The following CLVS2 variants were observed in gnomAD, a reference collection of about 807,000 sequenced individuals.
CLVS2 encodes the protein clavesin 2.
In CLVS2, 19 loss-of-function variants were observed where a neutral mutation model predicts 29.0. The ratio of observed to expected loss-of-function variants is 0.66; its 90% CI spans 0.46 to 0.96. The LOEUF (loss-of-function observed/expected upper bound fraction) is 0.96, where lower values mean the gene tolerates loss of function less well. Ranked by LOEUF, CLVS2 falls within the 40% of genes least tolerant of loss-of-function variation. The pLI is 0.00. For synonymous variants in CLVS2, 161 were observed against 151.3 expected, an observed-to-expected ratio of 1.06 and a Z score of -0.47; for missense variants, 294 against 404.1, an observed-to-expected ratio of 0.73 and a Z score of 2.34.
In CLVS2 at chr6:123,032,405, ATACT is replaced by A. The variant is rs757697037; in HGVS notation, c.565-16211_565-16208del. ...AAATCAGAAATACCTATTTATAATG[ATACT>A]TACTTTATCAAAGGCATTCTGGTAA... On this transcript the variant is annotated intron_variant, in intron 3 of 5. Transcript: ENST00000275162. Among the ~76,000 whole-genome samples, 38 of 152,114 alleles carry A rather than the reference ATACT, an allele frequency of 2.5e-4. 1 individual carries two copies. Among genetic ancestry groups the A allele is most frequent in the Admixed American group, 1.1e-3 (17 of 15,264 alleles).
chr6:123,047,237 G>A (rs1208862565), intron 3 of CLVS2, among the ~76,000 whole-genome samples: 1 of 151,486 alleles, frequency 6.6e-6, no homozygotes, highest in Non-Finnish European at 1.5e-5. Context: ...CTCTTATTTA[G>A]GTATATACTA....
intron 5 of CLVS2, among the ~76,000 whole-genome samples, chr6:123,057,797 A>G (rs541186509): frequency 1.4e-4 from 22 of 152,256 alleles, no homozygotes; most frequent in African/African-American, 5.1e-4. Context: ...TAGCAAGCTT[A>G]TATTTAAACC....
At position 123,063,942 on chromosome 6, in the gene CLVS2, T is replaced by C. The variant is rs189476065; in HGVS notation, c.*181T>C. 2 of 454,780 alleles carry C rather than the reference T, an allele frequency of 4.4e-6. No homozygotes were observed. Among genetic ancestry groups the C allele is most frequent in the African/African-American group, 4.0e-5 (2 of 49,898 alleles). 28.2% of individuals were successfully genotyped at this position (454,780 alleles called of 1,614,324 possible). On this transcript the variant is annotated 3_prime_UTR_variant, in exon 6 of 6. Coordinates refer to ENST00000275162, the MANE Select transcript of CLVS2 (RefSeq NM_001010852.4). ...CCATGGGGGCCCTGGGCTGGATTTT[T>C]AAAATGTCAATAATTTATTCTGTAA... is the stretch of plus-strand genomic sequence containing the variant.
At chr6:123,050,787 G>GGT (rs1772599756) in intron 4 of CLVS2, among the ~76,000 whole-genome samples, 1 of 152,118 alleles carries the variant, frequency 6.6e-6, no homozygotes. Context: ...GAATACAGGG[G>GGT]TTACTTGTTC....
chr6:123,043,596 T>C (rs1428259758), intron 3 of CLVS2, among the ~76,000 whole-genome samples: 1 of 152,198 alleles, frequency 6.6e-6, no homozygotes, highest in Non-Finnish European at 1.5e-5. Flanking sequence ...GATTTCTGCT[T>C]ATGTTCACAC....
intron 5 of CLVS2, among the ~76,000 whole-genome samples, chr6:123,057,752 G>T (rs866799261): frequency 2.6e-5 from 4 of 152,110 alleles, no homozygotes; most frequent in Admixed American, 6.6e-5. Flanking sequence ...GAACGGAAAG[G>T]CCAGAAATTT....
chr6:123,010,536 A>C (rs530300975), intron 2 of CLVS2, among the ~76,000 whole-genome samples: 1 of 152,158 alleles, frequency 6.6e-6, no homozygotes, highest in Non-Finnish European at 1.5e-5. Flanking sequence ...ATTTGAATTG[A>C]GTAACTTTTA....
rs117763131 is a variant in CLVS2, at chr6:123,067,745, G to A, written c.*3984G>A. ...TGCATTTGAAATTTGTGAGGTCACT[G>A]ATCATACAAGAAGAGGCAGATTATA... On this transcript the variant is annotated 3_prime_UTR_variant, in exon 6 of 6. Transcript: ENST00000275162. 7 of 151,818 alleles carry A rather than the reference G, an allele frequency of 4.6e-5. No homozygotes were observed. In the East Asian group the frequency reaches 1.2e-3, roughly 25 times the overall value. 9.4% of individuals were successfully genotyped at this position (151,818 alleles called of 1,614,324 possible). A position where few individuals can be genotyped will look rare whatever the true frequency, so the allele number is the denominator to read the frequency against.
intron 3 of CLVS2, among the ~76,000 whole-genome samples, chr6:123,035,083 A>C (rs1368798136): frequency 1.3e-5 from 2 of 152,144 alleles, no homozygotes; most frequent in Non-Finnish European, 2.9e-5. Flanking sequence ...CATTATCTTC[A>C]GAAAGCATTT....
intron 3 of CLVS2, among the ~76,000 whole-genome samples, chr6:123,031,421 A>C (rs1775082611): frequency 6.6e-6 from 1 of 152,198 alleles, no homozygotes; most frequent in Admixed American, 6.5e-5. Flanking sequence ...CAAGATGAAT[A>C]GTTCTGGAGG....
intron 3 of CLVS2, among the ~76,000 whole-genome samples, chr6:123,036,777 A>C (rs1437990958): frequency 6.6e-6 from 1 of 152,114 alleles, no homozygotes; most frequent in Non-Finnish European, 1.5e-5. Flanking sequence ...AAACATCTTT[A>C]GATCCTCTCA....
rs1772924229 is a variant in CLVS2 at position 123,070,337 on chromosome 6, T to C, written c.*6576T>C. Reference sequence around the variant, plus strand: ...TCATCCTCTCTTTCCTTCCTCTTTTTCTTTCAAAACTACATCACATCAGCT... The same window carrying C: ...TCATCCTCTCTTTCCTTCCTCTTTTCCTTTCAAAACTACATCACATCAGCT... On this transcript the variant is annotated 3_prime_UTR_variant, in exon 6 of 6. Transcript: ENST00000275162. The C allele has an allele frequency of 6.6e-6, 1 of 152,000 alleles. No homozygotes were observed. Among genetic ancestry groups the C allele is most frequent in the African/African-American group, 2.4e-5 (1 of 41,426 alleles). 9.4% of individuals were successfully genotyped at this position (152,000 alleles called of 1,614,324 possible).
In CLVS2 at chr6:123,068,987, T is replaced by C. The variant is rs1004784507; in HGVS notation, c.*5226T>C. The C allele has an allele frequency of 2.0e-5, 3 of 151,750 alleles. No individual in the cohort carries two copies. The highest frequency in any genetic ancestry group is 4.4e-5 in the Non-Finnish European group (3 of 67,786). 9.4% of individuals were successfully genotyped at this position (151,750 alleles called of 1,614,324 possible). Reference sequence around the variant, plus strand: ...ATTTCTTTAAAAAATCGTCTAAAAATTAGCAATATTTTTATTTTGAGAGAA... The same window carrying C: ...ATTTCTTTAAAAAATCGTCTAAAAACTAGCAATATTTTTATTTTGAGAGAA... On this transcript the variant is annotated 3_prime_UTR_variant, in exon 6 of 6. Coordinates refer to ENST00000275162, the MANE Select transcript of CLVS2 (RefSeq NM_001010852.4).
At chr6:123,027,440 T>G (rs1161699907) in intron 3 of CLVS2, among the ~76,000 whole-genome samples, 1 of 152,076 alleles carries the variant, frequency 6.6e-6, no homozygotes, top group East Asian at 1.9e-4. Flanking sequence ...AAGGGGGAGA[T>G]AGTTTTGTCT....
intron 3 of CLVS2, among the ~76,000 whole-genome samples, chr6:123,014,929 G>GTTTCACCTGGTGAAA (rs2114312620): frequency 6.6e-6 from 1 of 152,214 alleles, no homozygotes; most frequent in Admixed American, 6.6e-5. Flanking sequence ...GAATGAGATT[G>GTTTCACCTGGTGAAA]TTTCACCTGG....
At position 123,055,918 on chromosome 6, in the gene CLVS2, G is replaced by C. The variant is rs1214260981; in HGVS notation, c.788G>C (p.Arg263Thr). 6.2e-7 allele frequency: 1 copy of C among 1,614,056 alleles called. No individual in the cohort carries two copies. Among genetic ancestry groups the C allele is most frequent in the South Asian group, 1.1e-5 (1 of 91,084 alleles). ...LPPYDMGTWA[R>T]TLLDHEYDDD... ...CCTTATGACATGGGGACATGGGCAA[G>C]AACACTGCTAGACCATGAATATGAC... The change falls in exon 5 of 6, where the codon AGA becomes ACA. Residue 263 changes from arginine (R) to threonine (T), a missense_variant. Transcript: ENST00000275162.
At chr6:123,033,437 A>T (rs1189053666) in intron 3 of CLVS2, among the ~76,000 whole-genome samples, 1 of 152,104 alleles carries the variant, frequency 6.6e-6, no homozygotes, top group African/African-American at 2.4e-5. Context: ...AATTGAGAAA[A>T]GTGCAAAAGC....
intron 2 of CLVS2, among the ~76,000 whole-genome samples, chr6:123,002,900 C>A (rs990401479): frequency 6.6e-6 from 1 of 152,170 alleles, no homozygotes; most frequent in East Asian, 1.9e-4. Flanking sequence ...TAGGGCAAAA[C>A]CACAAATGGC....
chr6:123,016,420 T>A (rs1353359796), intron 3 of CLVS2, among the ~76,000 whole-genome samples: 1 of 152,010 alleles, frequency 6.6e-6, no homozygotes, highest in Admixed American at 6.6e-5. Context: ...TGGACTTTTT[T>A]ATAAATCCAG....
Sources: allele counts gnomAD v4.1 joint callset (sites outside exome capture counted in the v4.1 genomes callset), GRCh38; gene constraint gnomAD v4.1.1; transcripts MANE v1.5; gene names NCBI Gene and HGNC (gene_info 2026-07-23, HGNC 2026-07-21).